Variants in EPB41 observed in about 807,000 individuals in gnomAD.
EPB41 encodes the protein protein 4.1.
EPB41 carries 65 observed loss-of-function variants against 108.0 expected under a neutral mutation model. The observed-to-expected ratio is 0.60, with a 90% CI of 0.49 to 0.74. The LOEUF (loss-of-function observed/expected upper bound fraction) is 0.74. Ranked by LOEUF, EPB41 falls within the 30% of genes least tolerant of loss-of-function variation. EPB41 has a pLI of 0.00. For missense variants in EPB41, 875 were observed against 1,037.0 expected, an observed-to-expected ratio of 0.84 and a Z score of 2.15; for synonymous variants, 336 against 358.9, an observed-to-expected ratio of 0.94 and a Z score of 0.72.
intron 16 of EPB41, chr1:29,072,277 T>A (rs1651843173): frequency 6.6e-6 from 1 of 152,166 alleles, no homozygotes; most frequent in African/African-American, 2.4e-5. Flanking sequence ...CCACAGAAAG[T>A]AATAATCATG....
intron 1 of EPB41, among the ~76,000 whole-genome samples, chr1:28,977,352 A>G (rs1028775448): frequency 4.6e-5 from 7 of 152,070 alleles, no homozygotes; most frequent in Admixed American, 2.0e-4. Flanking sequence ...AAAAAAATGA[A>G]AGATAACCAT....
At chr1:29,004,021 C>G (rs959309488) in intron 4 of EPB41, among the ~76,000 whole-genome samples, 1 of 152,218 alleles carries the variant, frequency 6.6e-6, no homozygotes, top group Non-Finnish European at 1.5e-5. Flanking sequence ...CCTTGCCTCG[C>G]AAAGTGCTGG....
chr1:28,969,955 T>C (rs2985322), intron 1 of EPB41, among the ~76,000 whole-genome samples: 67,068 of 152,036 alleles, frequency 0.44, 17,246 homozygotes, highest in East Asian at 0.85. Flanking sequence ...TATTCTCTGC[T>C]AAAGTTTCTG....
intron 16 of EPB41, among the ~76,000 whole-genome samples, chr1:29,091,169 A>G (rs1241910693): frequency 1.3e-5 from 2 of 152,204 alleles, no homozygotes; most frequent in African/African-American, 4.8e-5. Context: ...TTAGTTCACA[A>G]ATAGCTTCTT....
intron 8 of EPB41, among the ~76,000 whole-genome samples, chr1:29,031,613 C>T (rs2096790078): frequency 6.6e-6 from 1 of 152,140 alleles, no homozygotes; most frequent in South Asian, 2.1e-4. Context: ...TGGAGCTCAG[C>T]AATCCATTTT....
At chr1:28,971,582 A>C (rs1357261531) in intron 1 of EPB41, among the ~76,000 whole-genome samples, 1 of 152,252 alleles carries the variant, frequency 6.6e-6, no homozygotes, top group Non-Finnish European at 1.5e-5. Context: ...AGACATTGGA[A>C]GATGCTTGTT....
intron 7 of EPB41, among the ~76,000 whole-genome samples, chr1:29,026,366 C>A (rs905520761): frequency 1.3e-5 from 2 of 151,876 alleles, no homozygotes. Context: ...TTGTGGTTTC[C>A]AATATATAGA....
intron 2 of EPB41, chr1:28,989,395 T>G: frequency 1.0e-6 from 1 of 979,624 alleles, no homozygotes; most frequent in Non-Finnish European, 1.2e-6. Flanking sequence ...AGAGTCTTCT[T>G]ATTTCTGAAG....
intron 1 of EPB41, among the ~76,000 whole-genome samples, chr1:28,938,537 T>TG (rs1432311871): frequency 4.7e-5 from 7 of 147,620 alleles, no homozygotes; most frequent in Admixed American, 3.4e-4. Flanking sequence ...ATTTTTGAAT[T>TG]TTTTTTTTTT....
intron 4 of EPB41, among the ~76,000 whole-genome samples, chr1:28,998,576 C>G (rs2096235857): frequency 6.6e-6 from 1 of 152,132 alleles, no homozygotes; most frequent in East Asian, 1.9e-4. Flanking sequence ...TTATCCTTTT[C>G]CTAAACAAAA....
chr1:28,909,813 A>AATAGATAG (rs34584577), upstream of EPB41, among the ~76,000 whole-genome samples: 16 of 151,230 alleles, frequency 1.1e-4, no homozygotes, highest in East Asian at 1.4e-3. Flanking sequence ...AGATAAATAC[A>AATAGATAG]ATAGATAGAT....
chr1:29,096,472 G>A (rs1663257015), intron 16 of EPB41: 4 of 985,776 alleles, frequency 4.1e-6, no homozygotes, highest in South Asian at 9.4e-5. Flanking sequence ...CCTGTCAGCT[G>A]CAACCTGGTG....
At chr1:28,946,486 A>G (rs1189186317) in intron 1 of EPB41, among the ~76,000 whole-genome samples, 1 of 152,240 alleles carries the variant, frequency 6.6e-6, no homozygotes, top group African/African-American at 2.4e-5. Flanking sequence ...GTGGATGTAA[A>G]CAATTTAGGA....
intron 1 of EPB41, among the ~76,000 whole-genome samples, chr1:28,937,821 A>T (rs563566216): frequency 2.6e-5 from 4 of 152,222 alleles, no homozygotes; most frequent in Non-Finnish European, 5.9e-5. Context: ...TAGGAATTTT[A>T]TGTTAGCTCT....
In EPB41 at chr1:29,030,410, C is replaced by T; in HGVS notation, c.1135C>T (p.Pro379Ser). ...ELHKSYRSMT[P>S]AQADLEFLEN... Reference sequence around the variant, plus strand: ...TTTATTCTATCAAAGGTCCATGACTCCAGCTCAGGCTGACTTGGAGTTTCT... The same window carrying T: ...TTTATTCTATCAAAGGTCCATGACTTCAGCTCAGGCTGACTTGGAGTTTCT... The change falls in exon 8 of 21, where the codon CCA (proline) becomes TCA (serine). Residue 379 changes from proline (P) to serine (S), a missense_variant. Pro to Ser is a moderately conservative substitution (Grantham distance 74). This residue lies in a region of EPB41 where 519 missense variants were observed against 627.3 expected (regional missense o/e 0.83). Transcript: ENST00000343067. 6.2e-7 allele frequency: 1 copy of T among 1,613,934 alleles called. No individual in the cohort carries two copies. The highest frequency in any genetic ancestry group is 8.5e-7 in the Non-Finnish European group (1 of 1,179,860).
At chr1:29,022,754 T>C (rs564553579) in intron 7 of EPB41, among the ~76,000 whole-genome samples, 1 of 152,056 alleles carries the variant, frequency 6.6e-6, no homozygotes, top group South Asian at 2.1e-4. Context: ...TTTAAATTCA[T>C]AGTCACCCCT....
At chr1:29,049,729 TC>T (rs745606031) in intron 11 of EPB41, among the ~76,000 whole-genome samples, 11 of 152,200 alleles carry the variant, frequency 7.2e-5, no homozygotes, top group Non-Finnish European at 1.3e-4. Flanking sequence ...TATCTAAGTT[TC>T]TGTTGTCAGC....
chr1:29,088,646 G>A (rs934390232), intron 16 of EPB41, among the ~76,000 whole-genome samples: 1 of 152,116 alleles, frequency 6.6e-6, no homozygotes, highest in African/African-American at 2.4e-5. Context: ...GTGTCATGGA[G>A]ACTTTATATT....
At chr1:28,967,566 T>C (rs1168956466) in intron 1 of EPB41, among the ~76,000 whole-genome samples, 1 of 152,168 alleles carries the variant, frequency 6.6e-6, no homozygotes, top group Non-Finnish European at 1.5e-5. Flanking sequence ...CCTTCCTTTC[T>C]TTCTCCCCCT....
Sources: gnomAD v4.1 joint callset for allele counts (sites outside exome capture counted in the v4.1 genomes callset) on GRCh38, gnomAD v4.1.1 for gene constraint, gnomAD v4.1.1 regional missense constraint, MANE v1.5 for transcripts, NCBI Gene and HGNC (gene_info 2026-07-23, HGNC 2026-07-21) for gene names.